RDM1: variants seen among roughly 807,000 people sequenced by gnomAD.
The protein encoded by RDM1 is RAD52 motif-containing protein 1.
A neutral mutation model predicts 27.7 loss-of-function variants in RDM1; 28 were observed. That is an observed-to-expected ratio of 1.01 (90% confidence interval 0.75 to 1.39). The LOEUF (loss-of-function observed/expected upper bound fraction) is 1.39, where lower values mean the gene tolerates loss of function less well. Ranked by LOEUF, RDM1 falls within the 40% of genes most tolerant of loss-of-function variation. RDM1 has a pLI of 0.00. For missense variants in RDM1, 277 were observed against 337.3 expected (o/e 0.82, Z 1.40); for synonymous variants, 124 against 127.5 (o/e 0.97, Z 0.19).
intron 2 of RDM1, among the ~76,000 whole-genome samples, chr17:35,929,839 C>T (rs540553268): frequency 4.1e-4 from 63 of 152,280 alleles, no homozygotes; most frequent in African/African-American, 1.3e-3. Context: ...TGAGGTTTAG[C>T]ATCAGTAGGT....
rs1295168130 is a variant in RDM1 at position 35,930,623 on chromosome 17, C to T, written c.96+9G>A. On this transcript the variant is annotated intron_variant, in intron 1 of 6. Coordinates refer to ENST00000620284, the MANE Select transcript of RDM1 (RefSeq NM_145654.4). Reference sequence around the variant, plus strand: ...CTCCATCCCTCCCTCCATCCTGGCCCCGGCTCACATGCAAAGCCTCGGCCG... The same window carrying T: ...CTCCATCCCTCCCTCCATCCTGGCCTCGGCTCACATGCAAAGCCTCGGCCG... 1.9e-6 allele frequency: 3 copies of T among 1,611,624 alleles called. No individual in the cohort carries two copies. In the South Asian group the frequency reaches 3.3e-5, roughly 18 times the overall value.
chr17:35,919,652 T>A (rs2088869908), intron 6 of RDM1, among the ~76,000 whole-genome samples: 1 of 152,236 alleles, frequency 6.6e-6, no homozygotes, highest in African/African-American at 2.4e-5. Flanking sequence ...GGAACCACCA[T>A]CATATATGTG....
Position 35,918,312 on chromosome 17 carries a change from C to T in RDM1, c.*30G>A. ...ACGACAGAGCTTCCCAAGGAAGTTA[C>T]ATGACCTCGCCTTGGGATATTCAGA... On this transcript the variant is annotated 3_prime_UTR_variant, in exon 7 of 7. Coordinates refer to ENST00000620284, the MANE Select transcript of RDM1 (RefSeq NM_145654.4). 6.3e-7 allele frequency: 1 copy of T among 1,594,760 alleles called. No individual in the cohort carries two copies. The highest frequency in any genetic ancestry group is 8.6e-7 in the Non-Finnish European group (1 of 1,164,168).
chr17:35,922,266 T>C (rs2088969878), intron 5 of RDM1: 1 of 289,422 alleles, frequency 3.5e-6, no homozygotes, highest in Admixed American at 5.1e-5. Context: ...CTCAAATCCA[T>C]GCGTCCAAAA....
chr17:35,920,985 G>A (rs536042747), intron 5 of RDM1, among the ~76,000 whole-genome samples: 275 of 152,200 alleles, frequency 1.8e-3, no homozygotes, highest in African/African-American at 6.6e-3. Context: ...AGAAGCAAGG[G>A]CCTTCTTTTG....
At chr17:35,928,489 G>A (rs1312038567) in intron 2 of RDM1, among the ~76,000 whole-genome samples, 2 of 152,210 alleles carry the variant, frequency 1.3e-5, no homozygotes, top group African/African-American at 4.8e-5. Context: ...TAGGCTGGGC[G>A]CGGTGGCTCA....
chr17:35,919,250 A>T (rs1021416380), intron 6 of RDM1, among the ~76,000 whole-genome samples: 1 of 152,240 alleles, frequency 6.6e-6, no homozygotes, highest in African/African-American at 2.4e-5. Context: ...AAAGAATTCC[A>T]TATGTAGTAA....
chr17:35,921,414 G>A (rs1328463697), intron 5 of RDM1, among the ~76,000 whole-genome samples: 2 of 152,248 alleles, frequency 1.3e-5, no homozygotes, highest in African/African-American at 4.8e-5. Flanking sequence ...CTTTAGGGCT[G>A]TGAAGCAGAA....
In RDM1 at chr17:35,930,191, G is replaced by C. The variant is rs1267047284; in HGVS notation, c.161C>G (p.Ala54Gly). 1 of 1,614,176 alleles carries C rather than the reference G, an allele frequency of 6.2e-7. No homozygotes were observed. The highest frequency in any genetic ancestry group is 8.5e-7 in the Non-Finnish European group (1 of 1,180,038). ...ATAGAAACCAGGATGGGCCACTGCAGCATTTGGGAAGACCCGGACTGAATA... is the reference window on the plus strand; with the variant it reads ...ATAGAAACCAGGATGGGCCACTGCACCATTTGGGAAGACCCGGACTGAATA... ...LLYSVRVFPN[A>G]AVAHPGFYAV... The change falls in exon 2 of 7, where the codon GCT becomes GGT. Residue 54 changes from alanine (A) to glycine (G), a missense_variant. Physicochemically the swap from Ala to Gly is moderately conservative, Grantham distance 60 (BLOSUM62 0). Transcript: ENST00000620284.
chr17:35,930,629 C>G lies in RDM1; in HGVS notation c.96+3G>C. ...CCCTCCCTCCATCCTGGCCCCGGCT[C>G]ACATGCAAAGCCTCGGCCGTGGGTC... On this transcript the variant is annotated splice_donor_region_variant and intron_variant, in intron 1 of 6. Transcript: ENST00000620284. 1 of 1,612,412 alleles carries G rather than the reference C, an allele frequency of 6.2e-7. No homozygotes were observed. Among genetic ancestry groups the G allele is most frequent in the Non-Finnish European group, 8.5e-7 (1 of 1,179,598 alleles).
At chr17:35,919,097 T>C (rs1218915868) in intron 6 of RDM1, among the ~76,000 whole-genome samples, 1 of 152,250 alleles carries the variant, frequency 6.6e-6, no homozygotes, top group Non-Finnish European at 1.5e-5. Flanking sequence ...TGATGGGTTT[T>C]ATTTAAATTG....
chr17:35,918,899 C>T (rs1019344425), intron 6 of RDM1, among the ~76,000 whole-genome samples: 5 of 152,196 alleles, frequency 3.3e-5, no homozygotes, highest in African/African-American at 7.2e-5. Context: ...ACTCTAAGAA[C>T]GTGCTTCATC....
chr17:35,930,419 T>C lies in RDM1; in HGVS notation c.97-164A>G. On this transcript the variant is annotated intron_variant, in intron 1 of 6. Coordinates refer to ENST00000620284, the MANE Select transcript of RDM1 (RefSeq NM_145654.4). ...TAAAATCCTAAACTTTAAGAAGCACTGGAAGGTAAAACGTTCTGAAGGTGG... is the reference window on the plus strand; with the variant it reads ...TAAAATCCTAAACTTTAAGAAGCACCGGAAGGTAAAACGTTCTGAAGGTGG... 4 of 1,036,818 alleles carry C rather than the reference T, an allele frequency of 3.9e-6. No individual in the cohort carries two copies. The South Asian group carries it at 6.4e-5, about 17-fold the overall frequency. 64.2% of individuals were successfully genotyped at this position (1,036,818 alleles called of 1,614,324 possible).
At chr17:35,922,249 G>A (rs930410680) in intron 5 of RDM1, 7 of 255,746 alleles carry the variant, frequency 2.7e-5, no homozygotes, top group African/African-American at 1.3e-4. Context: ...AAGAGACAGA[G>A]TTAGGACTCA....
chr17:35,929,882 T>C (rs1324011973), intron 2 of RDM1, among the ~76,000 whole-genome samples, 194 bp downstream of exon 2: 1 of 152,210 alleles, frequency 6.6e-6, no homozygotes, highest in Non-Finnish European at 1.5e-5. Flanking sequence ...ATAATTCTTG[T>C]CAGGAACCTT....
chr17:35,921,199 G>A (rs1166249250), intron 5 of RDM1, among the ~76,000 whole-genome samples: 1 of 152,220 alleles, frequency 6.6e-6, no homozygotes, highest in East Asian at 1.9e-4. Context: ...AGATACCTTT[G>A]TATATTAGGG....
Position 35,918,106 on chromosome 17 carries a change from C to A in RDM1, c.*236G>T. 1.7e-6 allele frequency: 1 copy of A among 579,282 alleles called. No individual in the cohort carries two copies. Among genetic ancestry groups the A allele is most frequent in the Non-Finnish European group, 3.1e-6 (1 of 323,234 alleles). The allele number at this position is 579,282 out of a possible 1,614,324, so 35.9% of individuals were successfully genotyped here. On this transcript the variant is annotated 3_prime_UTR_variant, in exon 7 of 7. Transcript: ENST00000620284. ...TTATCTAGGCAACCTTTATTAAGTT[C>A]CGTTCGAGATCCGCTCCTCGTCACC...
In RDM1 at chr17:35,918,379, A is replaced by C. The variant is rs779820668; in HGVS notation, c.818T>G (p.Leu273Trp). The change falls in exon 7 of 7, where the codon TTG (leucine) becomes TGG (tryptophan). Residue 273 changes from leucine to tryptophan, a missense_variant. Physicochemically the swap from Leu to Trp is moderately conservative, Grantham distance 61. Coordinates refer to ENST00000620284, the MANE Select transcript of RDM1 (RefSeq NM_145654.4). ...EEEGYLSDFS[L>W]EEEEFRLPEL... ...TGGCAGCCTGAACTCTTCCTCCTCC[A>C]AGCTGAAATCCGAGAGATACCCTTC... 23 of 1,613,846 alleles carry C rather than the reference A, an allele frequency of 1.4e-5. No homozygotes were observed. The highest frequency in any genetic ancestry group is 1.9e-5 in the Non-Finnish European group (23 of 1,179,988).
Position 35,918,266 on chromosome 17 carries a change from G to T in RDM1, c.*76C>A. On this transcript the variant is annotated 3_prime_UTR_variant, in exon 7 of 7. Transcript: ENST00000620284. The stretch of plus-strand genomic sequence containing the variant: ...CAGGACTCCAGCAGCCTATAGTGGT[G>T]GGGCGGCGTGGGGTAGGGGCACGAC... The T allele has an allele frequency of 8.0e-7, 1 of 1,252,228 alleles. No individual in the cohort carries two copies. Among genetic ancestry groups the T allele is most frequent in the East Asian group, 2.3e-5 (1 of 43,110 alleles). 77.6% of individuals were successfully genotyped at this position (1,252,228 alleles called of 1,614,324 possible).
Sources: gnomAD v4.1 joint callset for allele counts (sites outside exome capture counted in the v4.1 genomes callset) on GRCh38, gnomAD v4.1.1 for gene constraint, MANE v1.5 for transcripts, NCBI Gene and HGNC (gene_info 2026-07-23, HGNC 2026-07-21) for gene names.